Variants in SLC25A21 observed in about 807,000 individuals in gnomAD.
The protein encoded by SLC25A21 is solute carrier family 25 member 21.
Under a neutral mutation model 43.8 loss-of-function variants are expected in SLC25A21, and 47 were observed. The observed-to-expected ratio is 1.07, with a 90% CI of 0.85 to 1.37. The LOEUF (loss-of-function observed/expected upper bound fraction) is 1.37, where lower values mean the gene tolerates loss of function less well. Ranked by LOEUF, SLC25A21 falls within the 40% of genes most tolerant of loss-of-function variation. The pLI is 0.00. For missense variants in SLC25A21, 352 were observed against 350.2 expected (o/e 1.00, Z -0.04); for synonymous variants, 131 against 121.3 (o/e 1.08, Z -0.52).
rs1959841461 is a variant in SLC25A21 at position 36,975,185 on chromosome 14, G to T, written c.71-100181C>A. 2.0e-5 allele frequency among the ~76,000 whole-genome samples: 3 copies of T among 152,172 alleles called. No homozygotes were observed. In the South Asian group the frequency reaches 6.2e-4, roughly 32 times the overall value. On this transcript the variant is annotated intron_variant, in intron 1 of 9. Coordinates refer to ENST00000331299, the MANE Select transcript of SLC25A21 (RefSeq NM_030631.4). ...ATATATAAAGAATTTAACTGATGAT[G>T]TCAAAGAAGAAACACCTACAGAAGG... is the stretch of plus-strand genomic sequence containing the variant.
intron 3 of SLC25A21, among the ~76,000 whole-genome samples, chr14:36,754,508 ATCTT>A (rs1410918253): frequency 6.6e-6 from 1 of 152,200 alleles, no homozygotes; most frequent in Non-Finnish European, 1.5e-5. Context: ...ATTTGATTTC[ATCTT>A]TATTTACAGA....
rs898136710 is a variant in SLC25A21, at chr14:37,137,891, T to C, written c.70+34390A>G. Among the ~76,000 whole-genome samples, 7 of 152,336 alleles carry C rather than the reference T, an allele frequency of 4.6e-5. No homozygotes were observed. The East Asian group carries it at 9.6e-4, about 21-fold the overall frequency. The stretch of plus-strand genomic sequence containing the variant: ...AACAACTGACACTCAATAAAATATG[T>C]TGAAAAAATTAAAGTATGCTAAAGG... On this transcript the variant is annotated intron_variant, in intron 1 of 9. Coordinates refer to ENST00000331299, the MANE Select transcript of SLC25A21 (RefSeq NM_030631.4).
At chr14:36,925,430 A>T (rs1301455154) in intron 1 of SLC25A21, among the ~76,000 whole-genome samples, 1 of 152,232 alleles carries the variant, frequency 6.6e-6, no homozygotes, top group Admixed American at 6.5e-5. Flanking sequence ...ATAAATGGCC[A>T]TGTTAATCAG....
intron 2 of SLC25A21, among the ~76,000 whole-genome samples, chr14:36,866,926 T>C (rs1366928614): frequency 6.6e-6 from 1 of 152,226 alleles, no homozygotes. Flanking sequence ...TAGGATTTAT[T>C]ATTAGAATTA....
In SLC25A21 at chr14:36,680,487, C is replaced by T. The variant is rs1594480522; in HGVS notation, c.*171G>A. 13 of 1,243,404 alleles carry T rather than the reference C, an allele frequency of 1.0e-5. No individual in the cohort carries two copies. In the East Asian group the frequency reaches 1.9e-4, roughly 18 times the overall value. 77.0% of individuals were successfully genotyped at this position (1,243,404 alleles called of 1,614,324 possible). A position where few individuals can be genotyped will look rare whatever the true frequency, so the allele number is the denominator to read the frequency against. On this transcript the variant is annotated 3_prime_UTR_variant, in exon 10 of 10. Coordinates refer to ENST00000331299, the MANE Select transcript of SLC25A21 (RefSeq NM_030631.4). ...CACAGTTTTATTTATACAGCCAAAACTATAATCTCAAGTTGCCTATAGACA... is the reference window on the plus strand; with the variant it reads ...CACAGTTTTATTTATACAGCCAAAATTATAATCTCAAGTTGCCTATAGACA...
intron 2 of SLC25A21, among the ~76,000 whole-genome samples, chr14:36,816,919 TAAA>T (rs1888476839): frequency 1.3e-5 from 2 of 151,028 alleles, no homozygotes; most frequent in Admixed American, 6.7e-5. Flanking sequence ...TTGTAGAGTA[TAAA>T]ATCCTTTCTT....
At chr14:36,843,497 T>C (rs947698380) in intron 2 of SLC25A21, among the ~76,000 whole-genome samples, 63 of 152,168 alleles carry the variant, frequency 4.1e-4, no homozygotes, top group African/African-American at 1.5e-3. Flanking sequence ...ATAAAACTCA[T>C]CTAGAGTCAT....
At chr14:36,871,126 C>T (rs555409592) in intron 2 of SLC25A21, among the ~76,000 whole-genome samples, 135 of 151,630 alleles carry the variant, frequency 8.9e-4, no homozygotes, top group Non-Finnish European at 1.5e-3. Context: ...GTGCCCCTGC[C>T]CCCCCAAATC....
rs530591376 is a variant in SLC25A21 at position 36,896,767 on chromosome 14, G to A, written c.71-21763C>T. 2.8e-3 allele frequency among the ~76,000 whole-genome samples: 430 copies of A among 152,268 alleles called. 2 individuals are homozygous for A. Among genetic ancestry groups the A allele is most frequent in the African/African-American group, 9.7e-3 (403 of 41,556 alleles). On this transcript the variant is annotated intron_variant, in intron 1 of 9. Transcript: ENST00000331299. ...AAAATCTCTCAGCATTTGCTTGTCT[G>A]TAAAGTATTTTATTTCTCCTTCACT... is the stretch of plus-strand genomic sequence containing the variant.
intron 7 of SLC25A21, among the ~76,000 whole-genome samples, chr14:36,705,648 A>G (rs1883512718): frequency 6.6e-6 from 1 of 152,144 alleles, no homozygotes. Context: ...TCCACTCCCC[A>G]GAGAAAAACA....
intron 1 of SLC25A21, among the ~76,000 whole-genome samples, chr14:37,152,211 G>A (rs1045293595): frequency 2.0e-5 from 3 of 152,000 alleles, no homozygotes; most frequent in Admixed American, 6.6e-5. Context: ...AATATCCCAG[G>A]AAGTTCATTG....
At chr14:37,019,401 C>A (rs1960935613) in intron 1 of SLC25A21, among the ~76,000 whole-genome samples, 1 of 151,814 alleles carries the variant, frequency 6.6e-6, no homozygotes, top group South Asian at 2.1e-4. Flanking sequence ...GTTTTTCTTT[C>A]TTCACATCCT....
chr14:36,836,733 G>T (rs1356056702), intron 2 of SLC25A21, among the ~76,000 whole-genome samples: 13 of 152,192 alleles, frequency 8.5e-5, no homozygotes. Context: ...AGTAAATGTA[G>T]CATTCTTCAT....
intron 1 of SLC25A21, among the ~76,000 whole-genome samples, chr14:36,886,103 C>T (rs1219733609): frequency 2.0e-5 from 3 of 152,172 alleles, no homozygotes; most frequent in African/African-American, 7.2e-5. Context: ...ACAGACAGAA[C>T]TGATATATTT....
At chr14:37,143,801 T>C (rs1298580974) in intron 1 of SLC25A21, among the ~76,000 whole-genome samples, 1 of 152,190 alleles carries the variant, frequency 6.6e-6, no homozygotes, top group African/African-American at 2.4e-5. Context: ...AAAGTTTCTT[T>C]TTCCTGGTTT....
intron 1 of SLC25A21, among the ~76,000 whole-genome samples, chr14:36,911,258 T>A (rs969077113): frequency 2.0e-5 from 3 of 152,208 alleles, no homozygotes; most frequent in African/African-American, 7.2e-5. Flanking sequence ...TATTAATTCA[T>A]TAACTCACTG....
intron 1 of SLC25A21, among the ~76,000 whole-genome samples, chr14:37,164,551 A>G (rs2138954003): frequency 6.6e-6 from 1 of 152,300 alleles, no homozygotes; most frequent in African/African-American, 2.4e-5. Flanking sequence ...ATTTTCCTTG[A>G]TCAAAATTTT....
chr14:36,682,813 ATGGGT>A (rs1398092745), intron 9 of SLC25A21, among the ~76,000 whole-genome samples: 1 of 152,200 alleles, frequency 6.6e-6, no homozygotes, highest in Non-Finnish European at 1.5e-5. Context: ...ATTGGGATAG[ATGGGT>A]TGGGAATTGT....
chr14:37,074,229 T>C (rs980745372), intron 1 of SLC25A21, among the ~76,000 whole-genome samples: 5 of 152,162 alleles, frequency 3.3e-5, no homozygotes, highest in Admixed American at 6.5e-5. Context: ...AAACCTCTGT[T>C]TTTATACAAT....
Sources: gnomAD v4.1 joint callset for allele counts (sites outside exome capture counted in the v4.1 genomes callset) on GRCh38, gnomAD v4.1.1 for gene constraint, MANE v1.5 for transcripts, NCBI Gene and HGNC (gene_info 2026-07-23, HGNC 2026-07-21) for gene names.